The following DAB1 variants were observed in gnomAD, a reference collection of about 807,000 sequenced individuals.
DAB1 encodes the protein DAB adaptor protein 1, also known as disabled homolog 1.
DAB1 carries 15 observed loss-of-function variants against 64.6 expected under a neutral mutation model. The observed-to-expected ratio is 0.23, with a 90% CI of 0.16 to 0.36. The LOEUF is 0.36. DAB1 is among the 10% of genes least tolerant of loss of function. The pLI is 1.00. For synonymous variants in DAB1, 235 were observed against 251.9 expected, an observed-to-expected ratio of 0.93 and a Z score of 0.64; for missense variants, 596 against 706.7, an observed-to-expected ratio of 0.84 and a Z score of 1.78.
At chr1:57,457,904 T>A (rs1265541648) in intron 7 of DAB1, among the ~76,000 whole-genome samples, 2 of 152,160 alleles carry the variant, frequency 1.3e-5, no homozygotes, top group East Asian at 3.9e-4. Context: ...AAGATATAAT[T>A]GAAGAAAACT....
chr1:57,588,232 G>C (rs1030488862), intron 7 of DAB1, among the ~76,000 whole-genome samples: 3 of 152,160 alleles, frequency 2.0e-5, no homozygotes, highest in South Asian at 2.1e-4. Flanking sequence ...AAGACCAATA[G>C]GAAACATCTG....
intron 4 of DAB1, among the ~76,000 whole-genome samples, chr1:58,152,451 TG>T (rs1654997310): frequency 6.6e-6 from 1 of 152,174 alleles, no homozygotes; most frequent in Non-Finnish European, 1.5e-5. Flanking sequence ...CATTGCCCAT[TG>T]GCACATCAGG....
intron 5 of DAB1, among the ~76,000 whole-genome samples, chr1:57,915,694 A>G (rs928824211): frequency 6.6e-6 from 1 of 152,192 alleles, no homozygotes; most frequent in African/African-American, 2.4e-5. Context: ...GAGCTCATGC[A>G]CAGTATATGA....
chr1:58,204,239 G>A (rs914116794), intron 4 of DAB1, among the ~76,000 whole-genome samples: 1 of 152,192 alleles, frequency 6.6e-6, no homozygotes, highest in African/African-American at 2.4e-5. Flanking sequence ...GATTGGTTTG[G>A]TTGGGAGGGA....
At chr1:57,055,484 T>TG (rs912786845) in intron 9 of DAB1, among the ~76,000 whole-genome samples, 3 of 151,996 alleles carry the variant, frequency 2.0e-5, no homozygotes, top group Non-Finnish European at 4.4e-5. Flanking sequence ...AATGAGTAAA[T>TG]GAGAAAGAGG....
At chr1:58,280,231 T>C (rs929533186) in intron 4 of DAB1, among the ~76,000 whole-genome samples, 1 of 152,224 alleles carries the variant, frequency 6.6e-6, no homozygotes, top group Non-Finnish European at 1.5e-5. Context: ...ACCCTTTGTC[T>C]TCCATGCTCT....
chr1:58,034,678 G>A (rs1385556216), intron 5 of DAB1, among the ~76,000 whole-genome samples: 2 of 152,192 alleles, frequency 1.3e-5, no homozygotes, highest in Non-Finnish European at 2.9e-5. Context: ...AGTTAGCTCA[G>A]AAATGATTTC....
At chr1:57,904,624 T>A (rs1321656951) in intron 5 of DAB1, among the ~76,000 whole-genome samples, 1 of 152,132 alleles carries the variant, frequency 6.6e-6, no homozygotes, top group Non-Finnish European at 1.5e-5. Context: ...ATAATTGAAC[T>A]GAGACCTAAA....
intron 2 of DAB1, among the ~76,000 whole-genome samples, chr1:57,276,391 A>G (rs538589358): frequency 1.3e-5 from 2 of 152,364 alleles, no homozygotes; most frequent in South Asian, 4.1e-4. Flanking sequence ...AAACTACTTG[A>G]ATATAAATTA....
chr1:57,225,333 G>A (rs1236935337), intron 2 of DAB1, among the ~76,000 whole-genome samples: 2 of 152,174 alleles, frequency 1.3e-5, no homozygotes, highest in Non-Finnish European at 2.9e-5. Context: ...TGGGGTCTGT[G>A]CTTAACCTGT....
At chr1:57,083,968 G>A (rs1465439707) in intron 4 of DAB1, among the ~76,000 whole-genome samples, 3 of 152,308 alleles carry the variant, frequency 2.0e-5, no homozygotes, top group Admixed American at 2.0e-4. Flanking sequence ...AGTGCCTAGC[G>A]TTCCGCCTGG....
rs112701418 is a variant in DAB1, at chr1:57,421,235, G to A, written c.-137+2695C>T. Among the ~76,000 whole-genome samples the A allele has an allele frequency of 5.1e-3, 774 of 152,226 alleles. 7 individuals carry two copies. The highest frequency in any genetic ancestry group is 0.018 in the African/African-American group (732 of 41,544). On this transcript the variant is annotated intron_variant, in intron 1 of 14. Transcript: ENST00000371236. The stretch of plus-strand genomic sequence containing the variant: ...ACAATAAGTGATACAATCTCTTCCC[G>A]GCAGCCTCACACAATGGTGTGTCTT...
chr1:57,798,663 C>A (rs770193928), intron 6 of DAB1, among the ~76,000 whole-genome samples: 9 of 152,214 alleles, frequency 5.9e-5, no homozygotes, highest in African/African-American at 1.9e-4. Context: ...TATAACATGT[C>A]CTCTGGTGAT....
chr1:58,144,709 C>T (rs1654492981), intron 5 of DAB1, among the ~76,000 whole-genome samples: 1 of 152,196 alleles, frequency 6.6e-6, no homozygotes, highest in African/African-American at 2.4e-5. Context: ...GAATTTCAGG[C>T]TCAGCCAGGT....
At chr1:58,069,464 C>T (rs532425325) in intron 5 of DAB1, among the ~76,000 whole-genome samples, 139 of 152,260 alleles carry the variant, frequency 9.1e-4, no homozygotes, top group Non-Finnish European at 1.6e-3. Context: ...TTGTACTTTA[C>T]GGCGTACCAA....
At position 57,268,560 on chromosome 1, in the gene DAB1, G is replaced by C. The variant is rs78918045; in HGVS notation, c.67+22404C>G. Among the ~76,000 whole-genome samples, 271 of 152,218 alleles carry C rather than the reference G, an allele frequency of 1.8e-3. 2 individuals are homozygous for C. The East Asian group carries it at 0.028, about 16-fold the overall frequency. ...TCCTTTAATAAGTGTGTGACATCCT[G>C]GTAGGAGGTGAAAAATAAAAAAACC... On this transcript the variant is annotated intron_variant, in intron 2 of 14. Coordinates refer to ENST00000371236, the MANE Select transcript of DAB1 (RefSeq NM_001365792.1).
chr1:57,069,082 T>C (rs1167533098), intron 8 of DAB1, among the ~76,000 whole-genome samples: 1 of 152,172 alleles, frequency 6.6e-6, no homozygotes, highest in Non-Finnish European at 1.5e-5. Flanking sequence ...AGCTCTCCAA[T>C]GTATTACTTT....
At chr1:58,139,032 C>G (rs999414074) in intron 5 of DAB1, among the ~76,000 whole-genome samples, 1 of 152,148 alleles carries the variant, frequency 6.6e-6, no homozygotes, top group Non-Finnish European at 1.5e-5. Context: ...ACTCCACCAT[C>G]AAGGTGTGTA....
At chr1:57,548,915 A>G (rs1644884533) in intron 7 of DAB1, among the ~76,000 whole-genome samples, 1 of 152,198 alleles carries the variant, frequency 6.6e-6, no homozygotes, top group African/African-American at 2.4e-5. Flanking sequence ...ATAATAACAC[A>G]ATGAGATAGA....
Sources: allele counts gnomAD v4.1 joint callset (sites outside exome capture counted in the v4.1 genomes callset), GRCh38; gene constraint gnomAD v4.1.1; transcripts MANE v1.5; gene names NCBI Gene and HGNC (gene_info 2026-07-23, HGNC 2026-07-21).